Variants in PEAK1 observed in about 807,000 individuals in gnomAD.
The protein encoded by PEAK1 is inactive tyrosine-protein kinase PEAK1.
PEAK1 carries 54 observed loss-of-function variants against 124.7 expected under a neutral mutation model. The ratio of observed to expected loss-of-function variants is 0.43; its 90% CI spans 0.35 to 0.54. The LOEUF is 0.54. PEAK1 is among the 20% of genes least tolerant of loss of function. The pLI is 0.01. For missense variants in PEAK1, 2,046 were observed against 2,134.5 expected (o/e 0.96, Z 0.82); for synonymous variants, 719 against 760.0 (o/e 0.95, Z 0.89).
In PEAK1 at chr15:77,113,830, C is replaced by T. The variant is rs1213945219; in HGVS notation, c.*326G>A. 2 of 312,158 alleles carry T rather than the reference C, an allele frequency of 6.4e-6. No homozygotes were observed. Among genetic ancestry groups the T allele is most frequent in the Admixed American group, 4.6e-5 (1 of 21,890 alleles). 19.3% of individuals were successfully genotyped at this position (312,158 alleles called of 1,614,324 possible). A position where few individuals can be genotyped will look rare whatever the true frequency, so the allele number is the denominator to read the frequency against. On this transcript the variant is annotated 3_prime_UTR_variant, in exon 10 of 10. Transcript: ENST00000682557. ...GGAGGAAATGGACACAGCTCACTGG[C>T]TGAGTTCATACCAAAGAAGCTGTCC... is the stretch of plus-strand genomic sequence containing the variant.
intron 1 of PEAK1, among the ~76,000 whole-genome samples, chr15:77,393,569 G>A (rs1030813700): frequency 1.3e-5 from 2 of 152,158 alleles, no homozygotes; most frequent in Admixed American, 1.3e-4. Context: ...CCCAGTCCTG[G>A]CAGGATGCAT....
chr15:77,344,177 C>T (rs2066726374), intron 2 of PEAK1, among the ~76,000 whole-genome samples: 1 of 152,206 alleles, frequency 6.6e-6, no homozygotes, highest in Non-Finnish European at 1.5e-5. Flanking sequence ...TCACTGCAAG[C>T]TCCGCCTCCC....
rs983234372 is a variant in PEAK1 at position 77,178,678 on chromosome 15, A to G, written c.3137+112T>C. 11 of 1,003,358 alleles carry G rather than the reference A, an allele frequency of 1.1e-5. No individual in the cohort carries two copies. The African/African-American group carries it at 1.1e-4, about 10-fold the overall frequency. The allele number at this position is 1,003,358 out of a possible 1,614,324, so 62.2% of individuals were successfully genotyped here. On this transcript the variant is annotated intron_variant, in intron 7 of 9. Transcript: ENST00000682557. The stretch of plus-strand genomic sequence containing the variant: ...TTATAAAGATAGATGATGGCCACAG[A>G]GTGCTACTTACAAACAGAAATGGTT...
At chr15:77,416,001 T>TA (rs1274724568) in intron 1 of PEAK1, among the ~76,000 whole-genome samples, 1 of 152,194 alleles carries the variant, frequency 6.6e-6, no homozygotes, top group East Asian at 1.9e-4. Context: ...TAGCTACACT[T>TA]ACAGTTGTCA....
At chr15:77,416,258 T>C (rs2072877667) in intron 1 of PEAK1, among the ~76,000 whole-genome samples, 1 of 152,244 alleles carries the variant, frequency 6.6e-6, no homozygotes, top group Non-Finnish European at 1.5e-5. Flanking sequence ...GGTTGGCTTC[T>C]CTTCAGCTGC....
intron 9 of PEAK1, among the ~76,000 whole-genome samples, chr15:77,124,981 T>G (rs1001671712): frequency 2.6e-5 from 4 of 152,246 alleles, no homozygotes; most frequent in Admixed American, 1.3e-4. Context: ...TGAACTTTCA[T>G]TATAATCTGT....
intron 1 of PEAK1, chr15:77,418,720 A>G (rs1315993730): frequency 1.0e-6 from 1 of 985,316 alleles, no homozygotes; most frequent in Non-Finnish European, 1.2e-6. Flanking sequence ...AAGATTGCTC[A>G]TGGAAAGTTT....
At chr15:77,213,887 A>G (rs1400141343) in intron 6 of PEAK1, among the ~76,000 whole-genome samples, 1 of 152,162 alleles carries the variant, frequency 6.6e-6, no homozygotes, top group Non-Finnish European at 1.5e-5. Context: ...GATATAGAAC[A>G]ATTCCCTCAC....
At chr15:77,358,115 G>C (rs2067639606) in intron 2 of PEAK1, among the ~76,000 whole-genome samples, 2 of 152,240 alleles carry the variant, frequency 1.3e-5, no homozygotes, top group East Asian at 1.9e-4. Flanking sequence ...TCTATCATGT[G>C]TTCTACATGC....
intron 2 of PEAK1, among the ~76,000 whole-genome samples, chr15:77,358,692 G>C (rs775361791): frequency 7.2e-5 from 11 of 152,184 alleles, no homozygotes; most frequent in Non-Finnish European, 1.2e-4. Context: ...TCACAACATA[G>C]TGAAAAAGTA....
At chr15:77,207,342 G>C (rs2058709563) in intron 6 of PEAK1, among the ~76,000 whole-genome samples, 1 of 152,120 alleles carries the variant, frequency 6.6e-6, no homozygotes, top group Non-Finnish European at 1.5e-5. Context: ...GATATCTGTG[G>C]ACTGGTCCTC....
At chr15:77,199,162 T>C (rs2058244835) in intron 6 of PEAK1, among the ~76,000 whole-genome samples, 1 of 152,204 alleles carries the variant, frequency 6.6e-6, no homozygotes, top group African/African-American at 2.4e-5. Context: ...CTCTTGTTTA[T>C]ACAGCAAGAA....
In PEAK1 at chr15:77,180,568, G is replaced by T; in HGVS notation, c.1359C>A (p.Val453=). The T allele has an allele frequency of 6.2e-7, 1 of 1,614,114 alleles. No homozygotes were observed. The highest frequency in any genetic ancestry group is 8.5e-7 in the Non-Finnish European group (1 of 1,180,012). ...VAGQAVTINL[V]PTEEQAKPYR... ...AAGGTTTTGCTTGCTCTTCTGTGGG[G>T]ACAAGGTTTATGGTTACTGCTTGCC... is the stretch of plus-strand genomic sequence containing the variant. The change falls in exon 7 of 10, where the codon GTC becomes GTA. Residue 453 remains valine (V), a synonymous_variant. Transcript: ENST00000682557.
intron 8 of PEAK1, among the ~76,000 whole-genome samples, chr15:77,152,754 T>C: frequency 6.6e-6 from 1 of 152,284 alleles, no homozygotes; most frequent in South Asian, 2.1e-4. Context: ...AATCATGTGG[T>C]TTTTGTCTTT....
intron 2 of PEAK1, among the ~76,000 whole-genome samples, chr15:77,323,981 A>G (rs1217581425): frequency 1.3e-5 from 2 of 152,236 alleles, no homozygotes; most frequent in Admixed American, 1.3e-4. Context: ...ATAATGCCAC[A>G]TATCTACAAC....
intron 5 of PEAK1, among the ~76,000 whole-genome samples, chr15:77,264,346 C>A (rs1471305587): frequency 6.6e-6 from 1 of 152,066 alleles, no homozygotes; most frequent in African/African-American, 2.4e-5. Flanking sequence ...GATTGTATAT[C>A]TAGAAAACCC....
intron 2 of PEAK1, among the ~76,000 whole-genome samples, chr15:77,321,316 C>A (rs557396661): frequency 6.6e-6 from 1 of 152,168 alleles, no homozygotes; most frequent in African/African-American, 2.4e-5. Context: ...TCCTCTCCAG[C>A]GCCTGTTGTT....
Position 77,327,758 on chromosome 15 carries a change from G to A in PEAK1, c.-603+37405C>T, listed in dbSNP as rs1242274283. ...CTAGATTTTCCTTTTGATATAATTAGAATCATTACAAATACTGTATAAGGG... is the reference window on the plus strand; with the variant it reads ...CTAGATTTTCCTTTTGATATAATTAAAATCATTACAAATACTGTATAAGGG... On this transcript the variant is annotated intron_variant, in intron 2 of 9. Coordinates refer to ENST00000682557, the MANE Select transcript of PEAK1 (RefSeq NM_001385026.1). 4.0e-5 allele frequency among the ~76,000 whole-genome samples: 6 copies of A among 151,664 alleles called. No homozygotes were observed. In the East Asian group the frequency reaches 1.2e-3, roughly 29 times the overall value.
chr15:77,158,646 G>C lies in PEAK1; in HGVS notation c.3188C>G (p.Thr1063Ser), dbSNP rs75116016. The C allele has an allele frequency of 1.8e-4, 291 of 1,614,152 alleles. 2 individuals are homozygous for C. In the East Asian group the frequency reaches 5.3e-3, roughly 30 times the overall value. The stretch of plus-strand genomic sequence containing the variant: ...CCTGCCATCTTGCTTCCCAACAACA[G>C]TTCTTGGATCCCGAGGAGAAAAATC... ...TEDFSPRDPR[T>S]VVGKQDGRGC... The change falls in exon 8 of 10, where the codon ACT (threonine) becomes AGT (serine). Residue 1063 changes from threonine to serine, a missense_variant. Transcript: ENST00000682557.
Sources: allele counts gnomAD v4.1 joint callset (sites outside exome capture counted in the v4.1 genomes callset), GRCh38; gene constraint gnomAD v4.1.1; transcripts MANE v1.5; gene names NCBI Gene and HGNC (gene_info 2026-07-23, HGNC 2026-07-21).